NRXN1: variants seen among roughly 807,000 people sequenced by gnomAD.
NRXN1 encodes the protein neurexin-1.
In NRXN1, 39 loss-of-function variants were observed where a neutral mutation model predicts 150.9. That is an observed-to-expected ratio of 0.26 (90% CI 0.20 to 0.34). The LOEUF is 0.34. Ranked by LOEUF, NRXN1 falls within the 10% of genes least tolerant of loss-of-function variation. NRXN1 has a pLI of 1.00. For missense variants in NRXN1, 1,815 were observed against 1,949.9 expected, an observed-to-expected ratio of 0.93 and a Z score of 1.30; for synonymous variants, 924 against 757.0, an observed-to-expected ratio of 1.22 and a Z score of -3.62.
chr2:50,368,230 T>C (rs548200283), intron 17 of NRXN1, among the ~76,000 whole-genome samples: 3 of 152,084 alleles, frequency 2.0e-5, no homozygotes, highest in South Asian at 2.1e-4. Flanking sequence ...GTTTAAATTA[T>C]GGTAGAGCTC....
At chr2:50,681,462 G>A (rs1690396094) in intron 5 of NRXN1, among the ~76,000 whole-genome samples, 1 of 152,128 alleles carries the variant, frequency 6.6e-6, no homozygotes, top group Admixed American at 6.6e-5. Flanking sequence ...TGTCTTGGAG[G>A]ACAGGAGCAA....
At chr2:50,439,649 A>T (rs1382527647) in intron 17 of NRXN1, among the ~76,000 whole-genome samples, 1 of 151,982 alleles carries the variant, frequency 6.6e-6, no homozygotes, top group African/African-American at 2.4e-5. Context: ...TACTAAAAAA[A>T]AAATAAAAAT....
At chr2:50,561,070 T>C (rs747608715) in intron 8 of NRXN1, among the ~76,000 whole-genome samples, 1 of 152,154 alleles carries the variant, frequency 6.6e-6, no homozygotes, top group East Asian at 1.9e-4. Context: ...CAACCAAATA[T>C]ATCCCATTAA....
At chr2:50,973,708 A>G (rs1336761969) in intron 2 of NRXN1, among the ~76,000 whole-genome samples, 1 of 152,156 alleles carries the variant, frequency 6.6e-6, no homozygotes, top group East Asian at 1.9e-4. Flanking sequence ...GGGGCAATAT[A>G]AGAAAATTAT....
At chr2:50,524,100 T>A (rs944549554) in intron 12 of NRXN1, among the ~76,000 whole-genome samples, 5 of 152,096 alleles carry the variant, frequency 3.3e-5, no homozygotes, top group Non-Finnish European at 7.4e-5. Context: ...ACAAATGTAA[T>A]AAGGCATAAA....
intron 21 of NRXN1, among the ~76,000 whole-genome samples, chr2:49,959,060 A>G (rs1324923736): frequency 2.0e-5 from 3 of 152,186 alleles, no homozygotes; most frequent in Admixed American, 6.6e-5. Flanking sequence ...TGAAGGTAGT[A>G]TATTTATTTC....
chr2:50,898,178 C>T (rs562873533), intron 5 of NRXN1, among the ~76,000 whole-genome samples: 18 of 152,108 alleles, frequency 1.2e-4, no homozygotes, highest in Non-Finnish European at 1.3e-4. Flanking sequence ...CTTTATGTCA[C>T]TGTTTCTTTG....
chr2:50,235,300 A>AATCCAGATGT (rs1320665379), intron 18 of NRXN1, among the ~76,000 whole-genome samples: 1 of 152,130 alleles, frequency 6.6e-6, no homozygotes, highest in East Asian at 1.9e-4. Context: ...ATGCCATAAA[A>AATCCAGATGT]ATCCAGATGT....
intron 5 of NRXN1, chr2:50,757,875 C>G (rs1701344596): frequency 6.6e-6 from 1 of 151,584 alleles, no homozygotes; most frequent in South Asian, 2.1e-4. Flanking sequence ...CAAATGTTAC[C>G]TCCTCTCTTG....
rs906913104 is a variant in NRXN1 at position 49,985,823 on chromosome 2, CA to C, written c.4129-42033del. Among the ~76,000 whole-genome samples the C allele has an allele frequency of 2.9e-3, 422 of 148,024 alleles. 1 individual carries two copies. Among genetic ancestry groups the C allele is most frequent in the African/African-American group, 6.0e-3 (242 of 40,584 alleles). On this transcript the variant is annotated intron_variant, in intron 21 of 22. Coordinates refer to ENST00000401669, the MANE Select transcript of NRXN1 (RefSeq NM_001330078.2). ...AATCTACATTGCTTGATATTTACAA[CA>C]AAAAAAAAATATTCACTCACTTTGG...
intron 8 of NRXN1, among the ~76,000 whole-genome samples, chr2:50,612,696 T>C (rs866294609): frequency 1.1e-4 from 16 of 152,182 alleles, no homozygotes; most frequent in African/African-American, 3.4e-4. Context: ...CACTACAGTG[T>C]TTATGCCATG....
chr2:50,659,603 A>G (rs552873383), intron 5 of NRXN1, among the ~76,000 whole-genome samples: 3 of 151,930 alleles, frequency 2.0e-5, no homozygotes, highest in Non-Finnish European at 2.9e-5. Flanking sequence ...GAAACCAAAT[A>G]TACTTCTATA....
intron 8 of NRXN1, among the ~76,000 whole-genome samples, chr2:50,608,178 C>T (rs1677445520): frequency 1.3e-5 from 2 of 152,000 alleles, no homozygotes; most frequent in African/African-American, 4.8e-5. Flanking sequence ...ATTTGAGTTG[C>T]AATCAAGGTA....
intron 19 of NRXN1, among the ~76,000 whole-genome samples, chr2:50,074,529 G>A (rs1354827114): frequency 2.0e-5 from 3 of 151,998 alleles, no homozygotes; most frequent in African/African-American, 7.3e-5. Flanking sequence ...AAAGTTGCTG[G>A]GAACAGTTTC....
rs1289850768 is a variant in NRXN1, at chr2:50,888,622, C to G, written c.832+33247G>C. On this transcript the variant is annotated intron_variant, in intron 5 of 22. Coordinates refer to ENST00000401669, the MANE Select transcript of NRXN1 (RefSeq NM_001330078.2). ...TGCAGAAAATCATGAACTGCAATAACTGTAATCCACCATTAGCTTCAGAAA... is the reference window on the plus strand; with the variant it reads ...TGCAGAAAATCATGAACTGCAATAAGTGTAATCCACCATTAGCTTCAGAAA... Among the ~76,000 whole-genome samples, 5 of 151,740 alleles carry G rather than the reference C, an allele frequency of 3.3e-5. No homozygotes were observed. In the East Asian group the frequency reaches 9.7e-4, roughly 30 times the overall value.
At chr2:50,224,347 T>A (rs995896951) in intron 18 of NRXN1, among the ~76,000 whole-genome samples, 1 of 151,976 alleles carries the variant, frequency 6.6e-6, no homozygotes, top group Non-Finnish European at 1.5e-5. Flanking sequence ...AAAACTGAGA[T>A]AAAATTCATA....
intron 5 of NRXN1, among the ~76,000 whole-genome samples, chr2:50,839,102 A>G (rs1681348128): frequency 2.6e-5 from 4 of 152,174 alleles, no homozygotes; most frequent in Admixed American, 2.6e-4. Context: ...AAAAAAGTTC[A>G]TCAAGTTAAT....
chr2:51,026,787 A>G (rs1670552121), intron 2 of NRXN1, among the ~76,000 whole-genome samples: 1 of 152,374 alleles, frequency 6.6e-6, no homozygotes, highest in East Asian at 1.9e-4. Context: ...GAAACCGCAT[A>G]AATGACAAAA....
At chr2:50,378,725 G>C (rs17040511) in intron 17 of NRXN1, among the ~76,000 whole-genome samples, 3,476 of 152,214 alleles carry the variant, frequency 0.023, 54 homozygotes, top group East Asian at 0.042. Context: ...TTCCTAATTT[G>C]AGAAACAAGA....
Sources: allele counts gnomAD v4.1 joint callset (sites outside exome capture counted in the v4.1 genomes callset), GRCh38; gene constraint gnomAD v4.1.1; transcripts MANE v1.5; gene names NCBI Gene and HGNC (gene_info 2026-07-23, HGNC 2026-07-21).